Variants in GUCY1B1 observed in about 807,000 individuals in gnomAD.
The protein encoded by GUCY1B1 is guanylate cyclase 1 soluble subunit beta 1.
GUCY1B1 carries 43 observed loss-of-function variants against 71.0 expected under a neutral mutation model. The observed-to-expected ratio is 0.61, with a 90% confidence interval of 0.47 to 0.78. The LOEUF (loss-of-function observed/expected upper bound fraction) is 0.78, where lower values mean the gene tolerates loss of function less well. Ranked by LOEUF, GUCY1B1 falls within the 30% of genes least tolerant of loss-of-function variation. GUCY1B1 has a pLI of 0.00. For synonymous variants in GUCY1B1, 266 were observed against 259.7 expected (o/e 1.02, Z -0.23); for missense variants, 535 against 754.1 (o/e 0.71, Z 3.40).
intron 5 of GUCY1B1, among the ~76,000 whole-genome samples, chr4:155,791,346 A>T (rs1213489618): frequency 6.7e-6 from 1 of 148,634 alleles, no homozygotes; most frequent in Non-Finnish European, 1.5e-5. Context: ...CTCTCTCCTG[A>T]CCTCATGATC....
At chr4:155,800,099 T>A in intron 9 of GUCY1B1, 25 bp downstream of exon 9, 1 of 1,498,488 alleles carries the variant, frequency 6.7e-7, no homozygotes, top group Non-Finnish European at 9.2e-7. Flanking sequence ...CTTGGAGCAC[T>A]ACTGTTATTC....
chr4:155,791,815 T>C (rs774485242), intron 5 of GUCY1B1, among the ~76,000 whole-genome samples: 5 of 151,140 alleles, frequency 3.3e-5, no homozygotes, highest in Non-Finnish European at 5.9e-5. Context: ...AGTGAACGTA[T>C]ATGCATATTG....
At chr4:155,785,247 G>T (rs1183237347) in intron 4 of GUCY1B1, 4 of 1,228,050 alleles carry the variant, frequency 3.3e-6, no homozygotes, top group South Asian at 1.3e-5. Flanking sequence ...CCTGTTTTTT[G>T]ATTTTATGAA....
intron 4 of GUCY1B1, among the ~76,000 whole-genome samples, chr4:155,779,568 T>C (rs1308426143): frequency 6.6e-6 from 1 of 152,238 alleles, no homozygotes; most frequent in Non-Finnish European, 1.5e-5. Context: ...GTTAGAATAC[T>C]GTAGTTTTCA....
intron 4 of GUCY1B1, among the ~76,000 whole-genome samples, chr4:155,781,890 C>G (rs528045749): frequency 4.6e-5 from 7 of 152,006 alleles, no homozygotes; most frequent in African/African-American, 1.7e-4. Flanking sequence ...AAAAAGAAGA[C>G]ATTTTTAAAA....
intron 4 of GUCY1B1, among the ~76,000 whole-genome samples, chr4:155,779,971 T>A (rs1197909791): frequency 1.3e-5 from 2 of 152,176 alleles, no homozygotes; most frequent in African/African-American, 4.8e-5. Flanking sequence ...CTTTTCTCTA[T>A]TTCCCCCCAC....
chr4:155,785,480 T>A (rs548493366), intron 4 of GUCY1B1, among the ~76,000 whole-genome samples: 1 of 152,314 alleles, frequency 6.6e-6, no homozygotes, highest in African/African-American at 2.4e-5. Flanking sequence ...TATGAAACTC[T>A]TATTCCCCAG....
At chr4:155,775,636 G>T (rs182781813) in intron 3 of GUCY1B1, among the ~76,000 whole-genome samples, 1 of 152,134 alleles carries the variant, frequency 6.6e-6, no homozygotes, top group African/African-American at 2.4e-5. Context: ...TATTCAGGAA[G>T]GAAAGAGAAT....
Position 155,759,096 on chromosome 4 carries a change from T to G in GUCY1B1, c.-45T>G. On this transcript the variant is annotated 5_prime_UTR_variant, in exon 1 of 14. Transcript: ENST00000264424. ...GCCTCTGCCTGGGTCCCTTCGGCCG[T>G]ACCTCTGCGTGGGGGCTGCCTCCCC... The G allele has an allele frequency of 5.7e-6, 9 of 1,582,024 alleles. No homozygotes were observed. The highest frequency in any genetic ancestry group is 7.7e-6 in the Non-Finnish European group (9 of 1,163,754).
intron 5 of GUCY1B1, among the ~76,000 whole-genome samples, chr4:155,791,161 C>T (rs1739126143): frequency 6.6e-6 from 1 of 151,016 alleles, no homozygotes; most frequent in Non-Finnish European, 1.5e-5. Flanking sequence ...GTCTCCCAGG[C>T]TGGAGTGCAG....
chr4:155,799,713 GA>G (rs1395404717), intron 8 of GUCY1B1, among the ~76,000 whole-genome samples, 163 bp from the exon 9 acceptor site: 2 of 152,218 alleles, frequency 1.3e-5, no homozygotes, highest in South Asian at 4.2e-4. Flanking sequence ...ATATCTAAGA[GA>G]ATAAACTCAC....
intron 2 of GUCY1B1, among the ~76,000 whole-genome samples, chr4:155,774,428 C>A (rs764924679): frequency 2.0e-5 from 3 of 152,184 alleles, no homozygotes; most frequent in Non-Finnish European, 4.4e-5. Context: ...TGAGGCCTTC[C>A]TGGCTGCTGT....
Position 155,773,403 on chromosome 4 carries a change from A to T in GUCY1B1, c.78-1565A>T, listed in dbSNP as rs569617543. On this transcript the variant is annotated intron_variant, in intron 2 of 13. Coordinates refer to ENST00000264424, the MANE Select transcript of GUCY1B1 (RefSeq NM_000857.5). ...CCTATCTAAATAAATACATTTATAT[A>T]ATCATGACAACTTTTAAAAACAATT... Among the ~76,000 whole-genome samples the T allele has an allele frequency of 3.3e-5, 5 of 152,366 alleles. No individual in the cohort carries two copies. In the South Asian group the frequency reaches 1.0e-3, roughly 32 times the overall value.
In GUCY1B1 at chr4:155,807,468, C is replaced by T. The variant is rs1466137067; in HGVS notation, c.*1059C>T. On this transcript the variant is annotated 3_prime_UTR_variant, in exon 14 of 14. Transcript: ENST00000264424. Reference sequence around the variant, plus strand: ...ATATCTATCTTTATAAAATAGAGTGCAACTACTTTTGTGTAAAAATGTTTG... The same window carrying T: ...ATATCTATCTTTATAAAATAGAGTGTAACTACTTTTGTGTAAAAATGTTTG... 1 of 152,072 alleles carries T rather than the reference C, an allele frequency of 6.6e-6. No individual in the cohort carries two copies. Among genetic ancestry groups the T allele is most frequent in the Non-Finnish European group, 1.5e-5 (1 of 68,010 alleles). 9.4% of individuals were successfully genotyped at this position (152,072 alleles called of 1,614,324 possible). A position where few individuals can be genotyped will look rare whatever the true frequency, so the allele number is the denominator to read the frequency against.
intron 2 of GUCY1B1, among the ~76,000 whole-genome samples, chr4:155,772,315 C>A (rs527734721): frequency 1.3e-5 from 2 of 152,276 alleles, no homozygotes; most frequent in African/African-American, 4.8e-5. Flanking sequence ...ACTTTAACTG[C>A]TTAGAATATA....
intron 11 of GUCY1B1, among the ~76,000 whole-genome samples, chr4:155,803,965 GT>G (rs1740134381): frequency 2.0e-5 from 3 of 151,970 alleles, no homozygotes; most frequent in Admixed American, 6.6e-5. Context: ...TATCTAGTCC[GT>G]TTCATGTACT....
intron 11 of GUCY1B1, 35 bp downstream of exon 11, chr4:155,803,799 T>A (rs1469002797): frequency 1.4e-6 from 2 of 1,401,944 alleles, no homozygotes; most frequent in Non-Finnish European, 1.9e-6. Flanking sequence ...AATAATGGTA[T>A]GTAAACCTTT....
chr4:155,804,012 C>T (rs1236504302), intron 11 of GUCY1B1, among the ~76,000 whole-genome samples: 1 of 151,932 alleles, frequency 6.6e-6, no homozygotes, highest in Non-Finnish European at 1.5e-5. Flanking sequence ...CCTCTTGTAC[C>T]TTCTAGTTTA....
At position 155,800,083 on chromosome 4, in the gene GUCY1B1, G is replaced by A; in HGVS notation, c.1175+9G>A. 6.3e-7 allele frequency: 1 copy of A among 1,581,920 alleles called. No homozygotes were observed. The highest frequency in any genetic ancestry group is 1.7e-5 in the Admixed American group (1 of 59,074). On this transcript the variant is annotated intron_variant, in intron 9 of 13. Transcript: ENST00000264424. ...AAGAAAAAGACAGACACGTAAGAAT[G>A]TAACGCTTGGAGCACTACTGTTATT...
Sources: gnomAD v4.1 joint callset for allele counts (sites outside exome capture counted in the v4.1 genomes callset) on GRCh38, gnomAD v4.1.1 for gene constraint, MANE v1.5 for transcripts, NCBI Gene and HGNC (gene_info 2026-07-23, HGNC 2026-07-21) for gene names.